Variants in CPA4 observed in about 807,000 individuals in gnomAD.
CPA4 encodes carboxypeptidase A3.
Under a neutral mutation model 54.7 loss-of-function variants are expected in CPA4, and 49 were observed. That is an observed-to-expected ratio of 0.90 (90% CI 0.71 to 1.14). The LOEUF (loss-of-function observed/expected upper bound fraction) is 1.14, where lower values mean the gene tolerates loss of function less well. Among genes scored for constraint, CPA4 ranks in the 50% most tolerant of loss-of-function variants. The probability of loss-of-function intolerance (pLI) is 0.00; values close to 1 mark genes in which losing one functional copy is unlikely to be tolerated. For synonymous variants in CPA4, 215 were observed against 206.8 expected, an observed-to-expected ratio of 1.04 and a Z score of -0.34; for missense variants, 487 against 525.1, an observed-to-expected ratio of 0.93 and a Z score of 0.71.
In CPA4 at chr7:130,293,256, C is replaced by A; in HGVS notation, c.68+8C>A. 6.5e-7 allele frequency: 1 copy of A among 1,544,210 alleles called. No homozygotes were observed. The highest frequency in any genetic ancestry group is 9.0e-7 in the Non-Finnish European group (1 of 1,116,874). On this transcript the variant is annotated splice_region_variant and intron_variant, in intron 1 of 10. Transcript: ENST00000222482. ...CCAAGAAAAATTTTTTGGGTAAGTTCCTTTTGGACTTATTATTTGGTTATT... is the reference window on the plus strand; with the variant it reads ...CCAAGAAAAATTTTTTGGGTAAGTTACTTTTGGACTTATTATTTGGTTATT...
At position 130,301,375 on chromosome 7, in the gene CPA4, C is replaced by T. The variant is rs934417777; in HGVS notation, c.384+461C>T. Reference sequence around the variant, plus strand: ...ATTTGTTCCATCATGCATTTTGGTGCTGTGTTTAGCTAGAAACCACTTGAT... The same window carrying T: ...ATTTGTTCCATCATGCATTTTGGTGTTGTGTTTAGCTAGAAACCACTTGAT... On this transcript the variant is annotated intron_variant, in intron 4 of 10. Coordinates refer to ENST00000222482, the MANE Select transcript of CPA4 (RefSeq NM_016352.4). 2.6e-5 allele frequency among the ~76,000 whole-genome samples: 4 copies of T among 152,164 alleles called. No individual in the cohort carries two copies. In the South Asian group the frequency reaches 8.3e-4, roughly 32 times the overall value.
At chr7:130,317,624 C>A (rs909471902) in intron 10 of CPA4, among the ~76,000 whole-genome samples, 19 of 152,130 alleles carry the variant, frequency 1.2e-4, no homozygotes, top group African/African-American at 4.6e-4. Context: ...CCAACATGCC[C>A]AGCTAATTTT....
Position 130,298,788 on chromosome 7 carries a change from C to T in CPA4, c.111C>T (p.Ile37=), listed in dbSNP as rs1206958473. The T allele has an allele frequency of 2.5e-6, 4 of 1,612,286 alleles. No homozygotes were observed. The East Asian group carries it at 8.9e-5, about 36-fold the overall frequency. Residue 37 remains isoleucine, a synonymous_variant, in exon 2 of 11, where the codon ATC becomes ATT. Transcript: ENST00000222482. ...LRINVRNGDE[I]SKLSQLVNSN... ...TTAATGTCAGAAATGGAGACGAGAT[C>T]AGCAAATTGAGTCAACTAGTGAATT...
At chr7:130,301,039 T>G (rs1052773056) in intron 4 of CPA4, 125 bp downstream of exon 4, 13 of 666,542 alleles carry the variant, frequency 2.0e-5, no homozygotes, top group Non-Finnish European at 3.3e-5. Flanking sequence ...CTAAAATGTG[T>G]ACACTTCAAT....
Position 130,307,609 on chromosome 7 carries a change from G to A in CPA4, c.703-698G>A, listed in dbSNP as rs545256739. Among the ~76,000 whole-genome samples the A allele has an allele frequency of 8.8e-5, 12 of 136,718 alleles. No individual in the cohort carries two copies. In the South Asian group the frequency reaches 2.9e-3, roughly 33 times the overall value. The allele number at this position is 136,718 out of a possible 152,430, so 89.7% of individuals were successfully genotyped here. ...ATGGCGCCACTGCTCCAGCCTGGGC[G>A]ACAGGGCAAGACTCCATCTCAGAAA... On this transcript the variant is annotated intron_variant, in intron 7 of 10. Coordinates refer to ENST00000222482, the MANE Select transcript of CPA4 (RefSeq NM_016352.4).
intron 4 of CPA4, among the ~76,000 whole-genome samples, chr7:130,304,072 G>A (rs1171008866): frequency 2.0e-5 from 3 of 150,970 alleles, no homozygotes; most frequent in African/African-American, 4.9e-5. Flanking sequence ...TCACTATGTT[G>A]CCCAGGCTGT....
At chr7:130,317,759 G>A (rs141862775) in intron 10 of CPA4, among the ~76,000 whole-genome samples, 2 of 151,870 alleles carry the variant, frequency 1.3e-5, no homozygotes, top group African/African-American at 2.4e-5. Context: ...GAGCCACCTC[G>A]CCCTTCTTTC....
chr7:130,300,987 A>G, intron 4 of CPA4, 73 bp downstream of exon 4: 1 of 901,976 alleles, frequency 1.1e-6, no homozygotes. Flanking sequence ...CCTTACTTCC[A>G]GGAGACATTA....
At chr7:130,314,842 A>T (rs776883556) in intron 10 of CPA4, among the ~76,000 whole-genome samples, 2 of 152,084 alleles carry the variant, frequency 1.3e-5, no homozygotes, top group Non-Finnish European at 2.9e-5. Flanking sequence ...GGAAGCGACG[A>T]AAGTTTGGGA....
chr7:130,296,679 C>CTTTTTTTTTTTTTTTTTTTTT (rs369325885), intron 1 of CPA4, among the ~76,000 whole-genome samples: 1 of 72,984 alleles, frequency 1.4e-5, no homozygotes, highest in Non-Finnish European at 2.4e-5. Context: ...GCTCCCCTCA[C>CTTTTTTTTTTTTTTTTTTTTT]TTTTTTTTTT....
chr7:130,306,241 T>G, intron 6 of CPA4: 1 of 335,016 alleles, frequency 3.0e-6, no homozygotes, highest in Admixed American at 4.5e-5. Context: ...CCTCACGCCA[T>G]CTCCATCTCC....
Position 130,323,686 on chromosome 7 carries a change from G to C in CPA4, c.*1010G>C, listed in dbSNP as rs1050454670. On this transcript the variant is annotated 3_prime_UTR_variant, in exon 11 of 11. Transcript: ENST00000222482. ...CACTGTAGGTACTGTGCCCAGGAAG[G>C]CTGGGTGAAGTGACCATCTAAATTG... 2 of 152,212 alleles carry C rather than the reference G, an allele frequency of 1.3e-5. No homozygotes were observed. Among genetic ancestry groups the C allele is most frequent in the Admixed American group, 1.3e-4 (2 of 15,280 alleles). The allele number at this position is 152,212 out of a possible 1,614,324, so 9.4% of individuals were successfully genotyped here. A position where few individuals can be genotyped will look rare whatever the true frequency, so the allele number is the denominator to read the frequency against.
intron 7 of CPA4, among the ~76,000 whole-genome samples, chr7:130,307,697 C>A (rs375898845): frequency 5.3e-5 from 8 of 151,686 alleles, no homozygotes; most frequent in Non-Finnish European, 1.0e-4. Flanking sequence ...GCAAGGTCTG[C>A]GCATGCACCT....
intron 10 of CPA4, among the ~76,000 whole-genome samples, chr7:130,317,239 C>T (rs1403022969): frequency 6.6e-6 from 1 of 152,202 alleles, no homozygotes; most frequent in Non-Finnish European, 1.5e-5. Context: ...CTCACCATTG[C>T]GTTACAACTT....
At chr7:130,313,896 G>T (rs571275806) in intron 10 of CPA4, among the ~76,000 whole-genome samples, 13 of 152,348 alleles carry the variant, frequency 8.5e-5, no homozygotes, top group Admixed American at 8.5e-4. Flanking sequence ...AAGACGGGGT[G>T]TTTTTTCTTT....
intron 10 of CPA4, among the ~76,000 whole-genome samples, chr7:130,316,405 T>C (rs1029061741): frequency 6.6e-6 from 1 of 152,226 alleles, no homozygotes; most frequent in South Asian, 2.1e-4. Context: ...ATTCTGTTTG[T>C]TGGGAGGATG....
At chr7:130,307,649 A>AAAGG in intron 7 of CPA4, among the ~76,000 whole-genome samples, 1 of 150,888 alleles carries the variant, frequency 6.6e-6, no homozygotes, top group South Asian at 2.1e-4. Flanking sequence ...AAAAAAAAAA[A>AAAGG]GTGTTTTTAA....
chr7:130,303,829 G>A (rs1172347304), intron 4 of CPA4, among the ~76,000 whole-genome samples: 1 of 151,086 alleles, frequency 6.6e-6, no homozygotes, highest in Non-Finnish European at 1.5e-5. Flanking sequence ...TTGTAGAGCT[G>A]GGGAGTCTCC....
At chr7:130,316,465 G>A (rs1384199331) in intron 10 of CPA4, among the ~76,000 whole-genome samples, 1 of 152,192 alleles carries the variant, frequency 6.6e-6, no homozygotes, top group Non-Finnish European at 1.5e-5. Flanking sequence ...GTGGGAGAGA[G>A]TGGGTATCAT....
Sources: allele counts gnomAD v4.1 joint callset (sites outside exome capture counted in the v4.1 genomes callset), GRCh38; gene constraint gnomAD v4.1.1; transcripts MANE v1.5; gene names NCBI Gene and HGNC (gene_info 2026-07-23, HGNC 2026-07-21).